Variants in SPAG17 observed in about 807,000 individuals in gnomAD.
SPAG17 encodes the protein sperm-associated antigen 17.
In SPAG17, 169 loss-of-function variants were observed where a neutral mutation model predicts 273.6. The ratio of observed to expected loss-of-function variants is 0.62; its 90% CI spans 0.55 to 0.70. SPAG17 has a LOEUF of 0.70. Ranked by LOEUF, SPAG17 falls within the 30% of genes least tolerant of loss-of-function variation. The pLI is 0.00. For synonymous variants in SPAG17, 825 were observed against 873.2 expected (o/e 0.94, Z 0.97); for missense variants, 2,557 against 2,627.8 (o/e 0.97, Z 0.59).
chr1:118,079,483 C>G (rs1381137262), intron 15 of SPAG17, among the ~76,000 whole-genome samples: 1 of 151,882 alleles, frequency 6.6e-6, no homozygotes, highest in Non-Finnish European at 1.5e-5. Context: ...TTATGATTAA[C>G]CTTATATAAA....
Position 118,116,477 on chromosome 1 carries a change from T to A in SPAG17, c.316-1036A>T, listed in dbSNP as rs554519510. On this transcript the variant is annotated intron_variant, in intron 3 of 48. Transcript: ENST00000336338. ...TCCTGGGGCGCATATGGTGTCAATTTCAGGCCCTTGGTCTCAGACAATGAC... is the reference window on the plus strand; with the variant it reads ...TCCTGGGGCGCATATGGTGTCAATTACAGGCCCTTGGTCTCAGACAATGAC... Among the ~76,000 whole-genome samples the A allele has an allele frequency of 3.9e-5, 6 of 152,294 alleles. No homozygotes were observed. The South Asian group carries it at 1.2e-3, about 32-fold the overall frequency.
rs781224467 is a variant in SPAG17 at position 118,099,738 on chromosome 1, G to A, written c.697C>T (p.Leu233=). 1 of 1,613,646 alleles carries A rather than the reference G, an allele frequency of 6.2e-7. No homozygotes were observed. Among genetic ancestry groups the A allele is most frequent in the East Asian group, 2.2e-5 (1 of 44,862 alleles). The change falls in exon 6 of 49, where the codon CTA becomes TTA. Residue 233 remains leucine, a synonymous_variant. Transcript: ENST00000336338. The part of the protein sequence containing the change: ...IIVVGFNNPQ[L]LAIMAELGIP... ...CCAAGCTCAGCCATAATTGCTAATA[G>A]CTGAGGATTGTTAAAGCCCACAACT... is the stretch of plus-strand genomic sequence containing the variant.
intron 1 of SPAG17, among the ~76,000 whole-genome samples, chr1:118,173,038 A>C (rs986503824): frequency 2.0e-5 from 3 of 152,106 alleles, no homozygotes; most frequent in African/African-American, 7.2e-5. Flanking sequence ...AAAATGAAAA[A>C]GAAAATCAGA....
intron 1 of SPAG17, among the ~76,000 whole-genome samples, chr1:118,159,969 A>G (rs1023127461): frequency 6.6e-6 from 1 of 152,228 alleles, no homozygotes; most frequent in Non-Finnish European, 1.5e-5. Flanking sequence ...GAGGTTCAAA[A>G]TGAACTTCAG....
intron 32 of SPAG17, among the ~76,000 whole-genome samples, chr1:117,999,113 G>C (rs547478958): frequency 1.3e-5 from 2 of 152,098 alleles, no homozygotes; most frequent in South Asian, 4.2e-4. Flanking sequence ...AGTTTTCTGA[G>C]AATGATGTTT....
rs116368608 is a variant in SPAG17, at chr1:117,991,991, G to A, written c.5362-463C>T. On this transcript the variant is annotated intron_variant, in intron 36 of 48. Transcript: ENST00000336338. ...CTAATAATACCCTGCTCTGTGCCAG[G>A]TGCTAGGTATATAACCATAAACAAA... Among the ~76,000 whole-genome samples, 1,091 of 152,228 alleles carry A rather than the reference G, an allele frequency of 7.2e-3. 16 individuals carry two copies. Among genetic ancestry groups the A allele is most frequent in the African/African-American group, 0.025 (1,027 of 41,544 alleles).
rs974472330 is a variant in SPAG17, at chr1:117,954,604, C to G, written c.*1-555G>C. 7 of 1,612,412 alleles carry G rather than the reference C, an allele frequency of 4.3e-6. No individual in the cohort carries two copies. The African/African-American group carries it at 9.4e-5, about 22-fold the overall frequency. On this transcript the variant is annotated intron_variant, in intron 48 of 48. Coordinates refer to ENST00000336338, the MANE Select transcript of SPAG17 (RefSeq NM_206996.4). ...GGTTCCACTTCCCAGCAACCCCATC[C>G]TAATGGCTTATGGCAGTATCTCAGT...
chr1:118,084,675 T>A (rs1457113071), intron 13 of SPAG17, among the ~76,000 whole-genome samples: 1 of 152,192 alleles, frequency 6.6e-6, no homozygotes, highest in Non-Finnish European at 1.5e-5. Context: ...TTCATCTGTG[T>A]ATCTCTAGGT....
intron 34 of SPAG17, among the ~76,000 whole-genome samples, chr1:117,995,723 C>T (rs986915120): frequency 4.6e-5 from 7 of 151,210 alleles, no homozygotes; most frequent in African/African-American, 1.7e-4. Flanking sequence ...CACACACACA[C>T]ACACACACAC....
Position 118,019,001 on chromosome 1 carries a change from T to A in SPAG17, c.4070-2819A>T, listed in dbSNP as rs561542221. 2.1e-4 allele frequency among the ~76,000 whole-genome samples: 28 copies of A among 130,872 alleles called. 1 individual carries two copies. In the South Asian group the frequency reaches 6.4e-3, roughly 30 times the overall value. 85.9% of individuals were successfully genotyped at this position (130,872 alleles called of 152,430 possible). A position where few individuals can be genotyped will look rare whatever the true frequency, so the allele number is the denominator to read the frequency against. The stretch of plus-strand genomic sequence containing the variant: ...GTGAGCTGTGATCATGCCACCACAC[T>A]CCAGCCTGGGTGACAGAGTGAGACC... On this transcript the variant is annotated intron_variant, in intron 28 of 48. Transcript: ENST00000336338.
intron 1 of SPAG17, among the ~76,000 whole-genome samples, chr1:118,155,959 G>T (rs1449568381): frequency 1.3e-5 from 2 of 152,156 alleles, no homozygotes; most frequent in African/African-American, 4.8e-5. Flanking sequence ...AATCATATTT[G>T]TGTGACTCTA....
chr1:117,984,072 T>C (rs1270817932), intron 41 of SPAG17, among the ~76,000 whole-genome samples, 159 bp from the exon 42 acceptor site: 1 of 152,250 alleles, frequency 6.6e-6, no homozygotes, highest in Non-Finnish European at 1.5e-5. Flanking sequence ...AACCCAATTC[T>C]AGCTTTTGTT....
At chr1:117,966,365 T>C (rs184299198) in intron 47 of SPAG17, 179 of 347,970 alleles carry the variant, frequency 5.1e-4, no homozygotes, top group African/African-American at 3.7e-3. Context: ...ATTCCGTAGA[T>C]AGCCAATAAC....
At chr1:118,053,861 G>A (rs1651346177) in intron 20 of SPAG17, 141 bp downstream of exon 20, 1 of 593,356 alleles carries the variant, frequency 1.7e-6, no homozygotes, top group Non-Finnish European at 3.0e-6. Context: ...GTCAAAAAGA[G>A]ATGGTCTCCA....
chr1:118,002,935 A>T (rs1194459666), intron 32 of SPAG17, among the ~76,000 whole-genome samples: 1 of 152,108 alleles, frequency 6.6e-6, no homozygotes, highest in African/African-American at 2.4e-5. Context: ...GGTCTTTACA[A>T]TTTGGCATGT....
rs769692457 is a variant in SPAG17, at chr1:118,016,148, A to G, written c.4104T>C (p.His1368=). The change falls in exon 29 of 49, where the codon CAT becomes CAC. Residue 1368 remains histidine, a synonymous_variant. Transcript: ENST00000336338. ...GAGGAGGGTCATGGATTTCACCCTT[A>G]TGGGCCATTGATGACTGACTTTTGT... ...KSHKSQSSMA[H]KGEIHDPPPE... 5 of 1,613,808 alleles carry G rather than the reference A, an allele frequency of 3.1e-6. No homozygotes were observed. The highest frequency in any genetic ancestry group is 1.1e-5 in the South Asian group (1 of 91,074).
At chr1:118,072,822 A>G (rs1012511339) in intron 17 of SPAG17, among the ~76,000 whole-genome samples, 2 of 152,106 alleles carry the variant, frequency 1.3e-5, no homozygotes, top group African/African-American at 4.8e-5. Context: ...CTGTACCTGT[A>G]CATGCACATG....
At chr1:118,048,654 T>G (rs1476605898) in intron 20 of SPAG17, among the ~76,000 whole-genome samples, 1 of 152,080 alleles carries the variant, frequency 6.6e-6, no homozygotes, top group Non-Finnish European at 1.5e-5. Flanking sequence ...TCCCAGCACT[T>G]TGGGAGGCCA....
Position 118,041,824 on chromosome 1 carries a change from T to C in SPAG17, c.3033A>G (p.Pro1011=), listed in dbSNP as rs539550380. The change falls in exon 21 of 49, where the codon CCA becomes CCG. Residue 1011 remains proline (P), a synonymous_variant. Transcript: ENST00000336338. The part of the protein sequence containing the change: ...QEVTEESPHQ[P]EPKITYPFHG... The stretch of plus-strand genomic sequence containing the variant: ...TTACCGGGTAAGTTATCTTAGGTTC[T>C]GGTTGGTGGGGGGACTCTTCTGTTA... 1.2e-6 allele frequency: 2 copies of C among 1,612,396 alleles called. No homozygotes were observed. The highest frequency in any genetic ancestry group is 2.2e-5 in the East Asian group (1 of 44,856).
Sources: allele counts gnomAD v4.1 joint callset (sites outside exome capture counted in the v4.1 genomes callset), GRCh38; gene constraint gnomAD v4.1.1; transcripts MANE v1.5; gene names NCBI Gene and HGNC (gene_info 2026-07-23, HGNC 2026-07-21).